The following IMMP2L variants were observed in gnomAD, a reference collection of about 807,000 sequenced individuals.
The protein encoded by IMMP2L is inner mitochondrial membrane peptidase subunit 2.
In IMMP2L, 18 loss-of-function variants were observed where a neutral mutation model predicts 19.3. The observed-to-expected ratio is 0.93, with a 90% CI of 0.64 to 1.38. IMMP2L has a LOEUF of 1.38. IMMP2L is among the 40% of genes most tolerant of loss of function. IMMP2L has a pLI of 0.00. For missense variants in IMMP2L, 233 were observed against 218.2 expected, an observed-to-expected ratio of 1.07 and a Z score of -0.43; for synonymous variants, 76 against 73.0, an observed-to-expected ratio of 1.04 and a Z score of -0.21.
Position 110,826,868 on chromosome 7 carries a change from TA to T in IMMP2L, c.408+59724del, listed in dbSNP as rs539842106. 9.4e-3 allele frequency among the ~76,000 whole-genome samples: 1,367 copies of T among 145,726 alleles called. 16 individuals carry two copies. Among genetic ancestry groups the T allele is most frequent in the African/African-American group, 0.03 (1,208 of 40,262 alleles). On this transcript the variant is annotated intron_variant, in intron 5 of 5. Coordinates refer to ENST00000405709, the MANE Select transcript of IMMP2L (RefSeq NM_032549.4). The stretch of plus-strand genomic sequence containing the variant: ...ATAAATAAAAATACATTCCAGAGAC[TA>T]AAAAAAAAAAGTTAATAATTTTACT...
intron 5 of IMMP2L, among the ~76,000 whole-genome samples, chr7:110,873,429 CAAAAAAAAAAAAAAAAA>C (rs60827428): frequency 2.1e-4 from 6 of 28,952 alleles, no homozygotes; most frequent in South Asian, 7.0e-3. Flanking sequence ...GACTCTATCT[CAAAAAAAAAAAAAAAAA>C]AAAAAAAAAA....
At chr7:111,287,766 T>C (rs1820656784) in intron 3 of IMMP2L, among the ~76,000 whole-genome samples, 1 of 152,090 alleles carries the variant, frequency 6.6e-6, no homozygotes, top group South Asian at 2.1e-4. Flanking sequence ...ACTAGAAATG[T>C]AAAGCCAAAA....
chr7:110,864,572 T>C (rs1346342437), intron 5 of IMMP2L, among the ~76,000 whole-genome samples: 1 of 152,064 alleles, frequency 6.6e-6, no homozygotes, highest in East Asian at 1.9e-4. Flanking sequence ...TTTTCTGTTG[T>C]TGTTATCAAA....
intron 3 of IMMP2L, among the ~76,000 whole-genome samples, chr7:111,117,449 G>C (rs548029640): frequency 6.6e-6 from 1 of 151,880 alleles, no homozygotes; most frequent in Non-Finnish European, 1.5e-5. Context: ...ATTTTCTTTC[G>C]GTGTATCAAT....
chr7:111,503,189 A>G (rs1236344751), intron 2 of IMMP2L, among the ~76,000 whole-genome samples: 1 of 152,168 alleles, frequency 6.6e-6, no homozygotes, highest in African/African-American at 2.4e-5. Flanking sequence ...AATACTACAA[A>G]CACCTCTACG....
intron 3 of IMMP2L, among the ~76,000 whole-genome samples, chr7:111,233,165 A>C (rs970884773): frequency 6.6e-6 from 1 of 152,282 alleles, no homozygotes; most frequent in Middle Eastern, 3.4e-3. Flanking sequence ...ATTACATTCA[A>C]TGCATGCACA....
In IMMP2L at chr7:110,803,916, G is replaced by T. The variant is rs1357214534; in HGVS notation, c.408+82677C>A. ...AAAGTCTGGGGGTGGGGCCATGCAG[G>T]AATCTGTTTACCTAGTCTTCTTGGT... On this transcript the variant is annotated intron_variant, in intron 5 of 5. Coordinates refer to ENST00000405709, the MANE Select transcript of IMMP2L (RefSeq NM_032549.4). This position sits in a 1 kb window ranked among gnomAD's most constrained non-coding sequence, Gnocchi z 4.2. Among the ~76,000 whole-genome samples the T allele has an allele frequency of 6.6e-6, 1 of 152,046 alleles. No homozygotes were observed. The highest frequency in any genetic ancestry group is 2.4e-5 in the African/African-American group (1 of 41,432).
chr7:110,752,105 A>G (rs972267799), intron 5 of IMMP2L, among the ~76,000 whole-genome samples: 1 of 152,052 alleles, frequency 6.6e-6, no homozygotes, highest in African/African-American at 2.4e-5. Flanking sequence ...ACTGCTTAAT[A>G]TAGAATTTTA....
intron 4 of IMMP2L, among the ~76,000 whole-genome samples, chr7:110,960,614 T>G (rs1384985266): frequency 6.6e-6 from 1 of 151,862 alleles, no homozygotes; most frequent in Non-Finnish European, 1.5e-5. Flanking sequence ...GCTTTCTAAA[T>G]GTACTGCTCT....
chr7:111,443,673 C>G (rs1422463683), intron 3 of IMMP2L, among the ~76,000 whole-genome samples: 2 of 152,120 alleles, frequency 1.3e-5, no homozygotes, highest in African/African-American at 4.8e-5. Context: ...TTTGACACAA[C>G]ACTGAAAAGG....
At chr7:110,938,042 C>T (rs1318794732) in intron 4 of IMMP2L, among the ~76,000 whole-genome samples, 1 of 152,142 alleles carries the variant, frequency 6.6e-6, no homozygotes, top group African/African-American at 2.4e-5. Flanking sequence ...CTCCTCACAC[C>T]TTCCTCCCAG....
At chr7:111,315,199 A>T (rs909847019) in intron 3 of IMMP2L, among the ~76,000 whole-genome samples, 1 of 152,136 alleles carries the variant, frequency 6.6e-6, no homozygotes, top group African/African-American at 2.4e-5. Flanking sequence ...TTTAATCAAA[A>T]TCAGTAATTT....
intron 3 of IMMP2L, among the ~76,000 whole-genome samples, chr7:111,242,252 C>G (rs185285841): frequency 3.9e-5 from 6 of 152,118 alleles, no homozygotes; most frequent in African/African-American, 1.2e-4. Flanking sequence ...AAATCAGTCC[C>G]TTTTAGACGC....
intron 3 of IMMP2L, among the ~76,000 whole-genome samples, chr7:111,295,342 A>G (rs1223808269): frequency 6.6e-6 from 1 of 151,884 alleles, no homozygotes. Context: ...AAGGAGATAA[A>G]AGGGTGGTAA....
At chr7:110,664,935 C>G (rs1321526837) in intron 5 of IMMP2L, 2 of 152,092 alleles carry the variant, frequency 1.3e-5, no homozygotes, top group African/African-American at 4.8e-5. Flanking sequence ...CAGGAAATCT[C>G]TTCTATTTGC....
At chr7:110,687,182 A>G (rs2130504457) in intron 5 of IMMP2L, among the ~76,000 whole-genome samples, 1 of 152,102 alleles carries the variant, frequency 6.6e-6, no homozygotes, top group South Asian at 2.1e-4. Flanking sequence ...TATTCCTGTT[A>G]AGTATTATTC....
chr7:110,928,351 G>GCACACACACACACACACA (rs58639346), intron 4 of IMMP2L, among the ~76,000 whole-genome samples: 2 of 117,114 alleles, frequency 1.7e-5, no homozygotes, highest in South Asian at 6.5e-4. Flanking sequence ...ATATGTACCT[G>GCACACACACACACACACA]CACACACACA....
chr7:111,476,237 C>T lies in IMMP2L; in HGVS notation c.239+11001G>A, dbSNP rs1182615496. On this transcript the variant is annotated intron_variant, in intron 3 of 5. Transcript: ENST00000405709. ...AAACAAGATGTCCCAAAGCCTAGAC[C>T]CATAGTCTTGCACTGAAGAACTGGC... 2.0e-5 allele frequency among the ~76,000 whole-genome samples: 3 copies of T among 152,030 alleles called. No homozygotes were observed. The East Asian group carries it at 5.8e-4, about 29-fold the overall frequency.
chr7:110,752,168 G>T (rs949674223), intron 5 of IMMP2L, among the ~76,000 whole-genome samples: 2 of 152,012 alleles, frequency 1.3e-5, no homozygotes, highest in Non-Finnish European at 2.9e-5. Flanking sequence ...GATGGATTTT[G>T]AGGTTTAGTG....
Sources: allele counts gnomAD v4.1 joint callset (sites outside exome capture counted in the v4.1 genomes callset), GRCh38; gene constraint gnomAD v4.1.1; non-coding constraint Gnocchi (gnomAD v3.1); transcripts MANE v1.5; gene names NCBI Gene and HGNC (gene_info 2026-07-23, HGNC 2026-07-21).